The following IQGAP2 variants were observed in gnomAD, a reference collection of about 807,000 sequenced individuals.
IQGAP2 encodes IQ motif containing GTPase activating protein 2, also known as ras GTPase-activating-like protein IQGAP2.
Under a neutral mutation model 201.3 loss-of-function variants are expected in IQGAP2, and 173 were observed. That is an observed-to-expected ratio of 0.86 (90% CI 0.76 to 0.98). IQGAP2 has a LOEUF of 0.98. IQGAP2 is among the 50% of genes least tolerant of loss of function. The pLI is 0.00. For synonymous variants in IQGAP2, 675 were observed against 673.9 expected (o/e 1.00, Z -0.03); for missense variants, 1,687 against 1,864.8 (o/e 0.90, Z 1.76).
chr5:76,472,203 C>T (rs74785554), intron 2 of IQGAP2, among the ~76,000 whole-genome samples: 3,175 of 152,342 alleles, frequency 0.021, 114 homozygotes, highest in African/African-American at 0.072. Context: ...CAGGGCCTGG[C>T]ACATCCCAAT....
At chr5:76,588,531 G>A (rs1038823528) in intron 5 of IQGAP2, among the ~76,000 whole-genome samples, 1 of 152,194 alleles carries the variant, frequency 6.6e-6, no homozygotes, top group Non-Finnish European at 1.5e-5. Context: ...AATTCATGCT[G>A]TACCTTCAAT....
At chr5:76,612,132 C>T (rs1295210854) in intron 13 of IQGAP2, among the ~76,000 whole-genome samples, 1 of 152,132 alleles carries the variant, frequency 6.6e-6, no homozygotes, top group African/African-American at 2.4e-5. Context: ...ACCATTTTGC[C>T]ATCATTATTG....
intron 2 of IQGAP2, among the ~76,000 whole-genome samples, chr5:76,512,651 G>T (rs1401222541): frequency 2.0e-5 from 3 of 152,216 alleles, no homozygotes; most frequent in African/African-American, 7.2e-5. Flanking sequence ...GGATGTGGAA[G>T]TTTACAGATT....
At position 76,611,193 on chromosome 5, in the gene IQGAP2, A is replaced by C; in HGVS notation, c.1521+10A>C. 1 of 1,601,014 alleles carries C rather than the reference A, an allele frequency of 6.2e-7. No individual in the cohort carries two copies. The highest frequency in any genetic ancestry group is 8.5e-7 in the Non-Finnish European group (1 of 1,173,616). ...ATCACAGAAACTCGGAGTAAGTTTT[A>C]GTATATCTGTTTCTTTTAAATTTTA... On this transcript the variant is annotated intron_variant, in intron 13 of 35. Coordinates refer to ENST00000274364, the MANE Select transcript of IQGAP2 (RefSeq NM_006633.5).
chr5:76,606,310 A>G lies in IQGAP2; in HGVS notation c.1357+7A>G, dbSNP rs779462657. On this transcript the variant is annotated splice_region_variant and intron_variant, in intron 12 of 35. Transcript: ENST00000274364. Reference sequence around the variant, plus strand: ...ATTCAAGAAGAAAATGACCGTAAGTATAAGACACTTTCCTTCTCTAGCATA... The same window carrying G: ...ATTCAAGAAGAAAATGACCGTAAGTGTAAGACACTTTCCTTCTCTAGCATA... 3.3e-5 allele frequency: 52 copies of G among 1,587,936 alleles called. No individual in the cohort carries two copies. The highest frequency in any genetic ancestry group is 4.3e-5 in the Non-Finnish European group (50 of 1,167,342).
chr5:76,552,093 G>A lies in IQGAP2; in HGVS notation c.147-10303G>A, dbSNP rs73121880. 4.3e-3 allele frequency among the ~76,000 whole-genome samples: 657 copies of A among 152,254 alleles called. 6 individuals carry two copies. The highest frequency in any genetic ancestry group is 0.015 in the African/African-American group (633 of 41,550). ...TGTGGGGTGAGAGTAGTAGCTTTAGGGACCATTCTTCCTTTTTCTTGAAGG... is the reference window on the plus strand; with the variant it reads ...TGTGGGGTGAGAGTAGTAGCTTTAGAGACCATTCTTCCTTTTTCTTGAAGG... On this transcript the variant is annotated intron_variant, in intron 2 of 35. Transcript: ENST00000274364.
intron 2 of IQGAP2, among the ~76,000 whole-genome samples, chr5:76,492,548 G>A (rs1355916224): frequency 2.0e-5 from 3 of 152,238 alleles, no homozygotes; most frequent in African/African-American, 4.8e-5. Flanking sequence ...TTAGCAGTGG[G>A]AGGGAAGGAA....
At chr5:76,569,650 G>A (rs1024621028) in intron 3 of IQGAP2, among the ~76,000 whole-genome samples, 5 of 152,220 alleles carry the variant, frequency 3.3e-5, no homozygotes, top group African/African-American at 9.7e-5. Context: ...GAAGGTAACA[G>A]AAGGTGGGGA....
At chr5:76,511,096 T>C (rs1757932047) in intron 2 of IQGAP2, among the ~76,000 whole-genome samples, 1 of 152,242 alleles carries the variant, frequency 6.6e-6, no homozygotes, top group Non-Finnish European at 1.5e-5. Flanking sequence ...TACTGCATTT[T>C]TGTCTTTATA....
chr5:76,548,640 G>A (rs541015298), intron 2 of IQGAP2, among the ~76,000 whole-genome samples: 4 of 152,294 alleles, frequency 2.6e-5, no homozygotes, highest in Non-Finnish European at 4.4e-5. Flanking sequence ...AACTCTCTGA[G>A]CCTCTTCTTC....
intron 2 of IQGAP2, among the ~76,000 whole-genome samples, chr5:76,469,786 T>C (rs556699849): frequency 6.6e-6 from 1 of 152,052 alleles, no homozygotes; most frequent in Non-Finnish European, 1.5e-5. Context: ...ATTTGGCTCT[T>C]CACCCAAATT....
At chr5:76,551,856 C>G (rs1038403637) in intron 2 of IQGAP2, among the ~76,000 whole-genome samples, 16 of 83,732 alleles carry the variant, frequency 1.9e-4, no homozygotes, top group Non-Finnish European at 3.6e-4. Flanking sequence ...AAGAGGGAGA[C>G]GGGAGAGGGA....
In IQGAP2 at chr5:76,698,055, G is replaced by A. The variant is rs374869048; in HGVS notation, c.4275G>A (p.Leu1425=). The A allele has an allele frequency of 1.2e-6, 2 of 1,612,918 alleles. No homozygotes were observed. The highest frequency in any genetic ancestry group is 1.7e-6 in the Non-Finnish European group (2 of 1,179,160). ...KAELAKLQQT[L]NALNKKAAFY... is the part of the protein sequence containing the mutation. ...AATTGGCAAAACTTCAGCAGACCCT[G>A]AATGCACTTAACAAGAAGGCAGCAT... The change falls in exon 33 of 36, where the codon CTG becomes CTA. Residue 1425 remains leucine (L), a synonymous_variant. Transcript: ENST00000274364.
chr5:76,461,666 A>G lies in IQGAP2; in HGVS notation c.143A>G (p.Lys48Arg), dbSNP rs1239464920. 1.2e-6 allele frequency: 2 copies of G among 1,608,118 alleles called. No individual in the cohort carries two copies. Among genetic ancestry groups the G allele is most frequent in the South Asian group, 2.2e-5 (2 of 90,944 alleles). The change falls in exon 2 of 36, where the codon AAA becomes AGA. Residue 48 changes from lysine (K) to arginine (R), a missense_variant. Physicochemically the swap from Lys to Arg is conservative, Grantham distance 26. Transcript: ENST00000274364. ...TATCTGTGCCACTTAGAGGAAGCCA[A>G]AAGGTAAGATCCAGACTTAGTCTAT... ...YEYLCHLEEA[K>R]RWMEVCLVEE... is the part of the protein sequence containing the mutation.
intron 2 of IQGAP2, among the ~76,000 whole-genome samples, chr5:76,529,629 G>GAAT (rs57526049): frequency 0.13 from 17,634 of 138,838 alleles, 1,550 homozygotes; most frequent in East Asian, 0.47. Context: ...CTCCCTCTCG[G>GAAT]AATAATAATA....
chr5:76,489,247 C>T (rs979709679), intron 2 of IQGAP2, among the ~76,000 whole-genome samples: 2 of 152,188 alleles, frequency 1.3e-5, no homozygotes, highest in East Asian at 3.8e-4. Context: ...AGTCTGCACA[C>T]AGTCCTTCCA....
At chr5:76,471,524 A>T (rs11744445) in intron 2 of IQGAP2, among the ~76,000 whole-genome samples, 75,872 of 151,914 alleles carry the variant, frequency 0.5, 19,666 homozygotes, top group Non-Finnish European at 0.55. Flanking sequence ...CACGGGTGTG[A>T]TTCCTTTTGT....
At chr5:76,417,435 G>A (rs1029486430) in intron 1 of IQGAP2, among the ~76,000 whole-genome samples, 9 of 152,088 alleles carry the variant, frequency 5.9e-5, no homozygotes, top group South Asian at 2.1e-4. Context: ...GGTTACAGGC[G>A]TCTGCTACCA....
rs560778061 is a variant in IQGAP2, at chr5:76,531,695, A to G, written c.147-30701A>G. ...GTGCATTTAATTATTCAAAGAATAC[A>G]TGATTATATTTTTGTCTTTTAAAAT... On this transcript the variant is annotated intron_variant, in intron 2 of 35. Transcript: ENST00000274364. Among the ~76,000 whole-genome samples, 15 of 152,360 alleles carry G rather than the reference A, an allele frequency of 9.8e-5. No homozygotes were observed. The East Asian group carries it at 2.1e-3, about 22-fold the overall frequency.
Sources: allele counts gnomAD v4.1 joint callset (sites outside exome capture counted in the v4.1 genomes callset), GRCh38; gene constraint gnomAD v4.1.1; transcripts MANE v1.5; gene names NCBI Gene and HGNC (gene_info 2026-07-23, HGNC 2026-07-21).